PTPN4: variants seen among roughly 807,000 people sequenced by gnomAD.
PTPN4 encodes the protein tyrosine-protein phosphatase non-receptor type 4.
PTPN4 carries 49 observed loss-of-function variants against 135.5 expected under a neutral mutation model. The ratio of observed to expected loss-of-function variants is 0.36; its 90% CI spans 0.29 to 0.46. The LOEUF is 0.46. PTPN4 is among the 20% of genes least tolerant of loss of function. The pLI is 1.00. For missense variants in PTPN4, 860 were observed against 1,101.0 expected, an observed-to-expected ratio of 0.78 and a Z score of 3.10; for synonymous variants, 333 against 369.9, an observed-to-expected ratio of 0.90 and a Z score of 1.14.
intron 1 of PTPN4, among the ~76,000 whole-genome samples, chr2:119,765,939 C>A (rs1207473985): frequency 6.9e-6 from 1 of 144,048 alleles, no homozygotes; most frequent in Non-Finnish European, 1.5e-5. Context: ...TGTGTGCGCG[C>A]GCGCATGTGC....
chr2:119,881,903 A>C, intron 6 of PTPN4, 73 bp downstream of exon 6: 1 of 1,238,490 alleles, frequency 8.1e-7, no homozygotes. Flanking sequence ...TGTGTTAAGT[A>C]ATTCATGGTC....
chr2:119,882,236 G>A (rs1017482845), intron 7 of PTPN4, 87 bp downstream of exon 7: 4 of 1,312,702 alleles, frequency 3.0e-6, no homozygotes, highest in Non-Finnish European at 3.3e-6. Flanking sequence ...GAGTTCTTTA[G>A]AAATGTTGCT....
chr2:119,899,125 G>A (rs961470762), intron 9 of PTPN4, among the ~76,000 whole-genome samples: 8 of 152,178 alleles, frequency 5.3e-5, no homozygotes, highest in African/African-American at 1.9e-4. Flanking sequence ...GCCTCTTTCA[G>A]TTTGGGGTTC....
chr2:119,919,520 A>G (rs764012346), intron 11 of PTPN4, among the ~76,000 whole-genome samples: 25 of 152,304 alleles, frequency 1.6e-4, no homozygotes, highest in Non-Finnish European at 2.9e-4. Context: ...AAAGTTCCTA[A>G]GAGTTATAAT....
chr2:119,789,944 T>C (rs561270479), intron 1 of PTPN4, among the ~76,000 whole-genome samples: 59 of 152,206 alleles, frequency 3.9e-4, no homozygotes, highest in Non-Finnish European at 5.4e-4. Context: ...GCCAGGCTAG[T>C]CTTGAACTCC....
chr2:119,880,426 A>AT (rs565175185), intron 5 of PTPN4, among the ~76,000 whole-genome samples: 253 of 145,858 alleles, frequency 1.7e-3, no homozygotes, highest in Admixed American at 3.1e-3. Flanking sequence ...TTAACTTTGA[A>AT]TTTTTTTTTT....
intron 1 of PTPN4, among the ~76,000 whole-genome samples, chr2:119,770,009 A>G (rs1690705934): frequency 1.3e-5 from 2 of 152,238 alleles, no homozygotes; most frequent in African/African-American, 4.8e-5. Flanking sequence ...ATATTCTTGT[A>G]TATAGACGAG....
chr2:119,864,171 A>G (rs1398757144), intron 3 of PTPN4, among the ~76,000 whole-genome samples: 1 of 152,172 alleles, frequency 6.6e-6, no homozygotes, highest in Non-Finnish European at 1.5e-5. Flanking sequence ...AACATTGGTT[A>G]GCGATTGGCT....
At position 119,806,563 on chromosome 2, in the gene PTPN4, C is replaced by G. The variant is rs529693775; in HGVS notation, c.-17-3274C>G. ...ATATATGCACCCAATACAGGAGCAC[C>G]GAGATTCATAAAACAAGTCCTTAGA... On this transcript the variant is annotated intron_variant, in intron 1 of 26. Coordinates refer to ENST00000263708, the MANE Select transcript of PTPN4 (RefSeq NM_002830.4). Among the ~76,000 whole-genome samples, 3 of 152,200 alleles carry G rather than the reference C, an allele frequency of 2.0e-5. No individual in the cohort carries two copies. The South Asian group carries it at 6.2e-4, about 32-fold the overall frequency.
At chr2:119,892,047 GA>G (rs1157718790) in intron 9 of PTPN4, among the ~76,000 whole-genome samples, 2 of 152,202 alleles carry the variant, frequency 1.3e-5, no homozygotes, top group Non-Finnish European at 2.9e-5. Context: ...ACATAGCAGT[GA>G]GTAAAGTAGA....
At chr2:119,964,375 G>A (rs1251436957) in intron 24 of PTPN4, among the ~76,000 whole-genome samples, 8 of 152,126 alleles carry the variant, frequency 5.3e-5, no homozygotes, top group South Asian at 2.1e-4. Context: ...TACTGTCTCC[G>A]TTATACCAAC....
intron 1 of PTPN4, among the ~76,000 whole-genome samples, chr2:119,798,187 A>C (rs1347269529): frequency 6.9e-6 from 1 of 145,902 alleles, no homozygotes; most frequent in Non-Finnish European, 1.5e-5. Context: ...TTTTTTTGAG[A>C]CGGAGTTTTG....
At chr2:119,769,817 T>C (rs1690702099) in intron 1 of PTPN4, among the ~76,000 whole-genome samples, 2 of 152,270 alleles carry the variant, frequency 1.3e-5, no homozygotes, top group Admixed American at 6.5e-5. Flanking sequence ...GAGTGAACTT[T>C]GATATGTATC....
intron 2 of PTPN4, among the ~76,000 whole-genome samples, chr2:119,820,986 C>T (rs1215717869): frequency 5.3e-5 from 8 of 151,720 alleles, no homozygotes; most frequent in Admixed American, 5.3e-4. Flanking sequence ...TCCTGAAACT[C>T]CTTTATCCTC....
At chr2:119,974,611 T>C (rs927016251) in intron 26 of PTPN4, among the ~76,000 whole-genome samples, 5 of 152,194 alleles carry the variant, frequency 3.3e-5, no homozygotes, top group African/African-American at 1.2e-4. Context: ...CTGGTAACTT[T>C]GATAGCTTTG....
At position 119,962,849 on chromosome 2, in the gene PTPN4, A is replaced by G. The variant is rs1679388651; in HGVS notation, c.2409+105A>G. The G allele has an allele frequency of 4.1e-6, 4 of 970,890 alleles. No individual in the cohort carries two copies. The Admixed American group carries it at 1.2e-4, about 29-fold the overall frequency. 60.1% of individuals were successfully genotyped at this position (970,890 alleles called of 1,614,324 possible). A position where few individuals can be genotyped will look rare whatever the true frequency, so the allele number is the denominator to read the frequency against. ...GTATTGGTTGCTAGGAAATACTATA[A>G]GAATTATTGAATTATTTATCTGCTT... is the stretch of plus-strand genomic sequence containing the variant. On this transcript the variant is annotated intron_variant, in intron 24 of 26. Coordinates refer to ENST00000263708, the MANE Select transcript of PTPN4 (RefSeq NM_002830.4).
At chr2:119,798,836 G>A (rs778399187) in intron 1 of PTPN4, among the ~76,000 whole-genome samples, 12 of 152,150 alleles carry the variant, frequency 7.9e-5, no homozygotes, top group Admixed American at 2.0e-4. Flanking sequence ...CAAAGACTCA[G>A]CTTATAGTGT....
chr2:119,842,231 C>T (rs576930690), intron 2 of PTPN4, among the ~76,000 whole-genome samples: 5 of 152,224 alleles, frequency 3.3e-5, no homozygotes, highest in South Asian at 2.1e-4. Flanking sequence ...TAAGGAAGCA[C>T]GTGTGCATCA....
At position 119,855,093 on chromosome 2, in the gene PTPN4, G is replaced by A. The variant is rs1055794088; in HGVS notation, c.139-7443G>A. Among the ~76,000 whole-genome samples, 29 of 152,220 alleles carry A rather than the reference G, an allele frequency of 1.9e-4. No homozygotes were observed. The South Asian group carries it at 5.8e-3, about 30-fold the overall frequency. The stretch of plus-strand genomic sequence containing the variant: ...AAGTACTGATCTTTCAAGGAGAGGG[G>A]TGCCCATAAACCAGAATAGACCTCT... On this transcript the variant is annotated intron_variant, in intron 2 of 26. Transcript: ENST00000263708.
Sources: allele counts gnomAD v4.1 joint callset (sites outside exome capture counted in the v4.1 genomes callset), GRCh38; gene constraint gnomAD v4.1.1; transcripts MANE v1.5; gene names NCBI Gene and HGNC (gene_info 2026-07-23, HGNC 2026-07-21).